The following RAP1GDS1 variants were observed in gnomAD, a reference collection of about 807,000 sequenced individuals.
RAP1GDS1 encodes Rap1 GTPase-GDP dissociation stimulator 1.
Under a neutral mutation model 71.1 loss-of-function variants are expected in RAP1GDS1, and 35 were observed. That is an observed-to-expected ratio of 0.49 (90% confidence interval 0.38 to 0.65). The LOEUF is 0.65. RAP1GDS1 is among the 30% of genes least tolerant of loss of function. The pLI, the probability that RAP1GDS1 is intolerant of heterozygous loss-of-function variation, is 0.00. For synonymous variants in RAP1GDS1, 229 were observed against 243.1 expected, an observed-to-expected ratio of 0.94 and a Z score of 0.54; for missense variants, 663 against 706.1, an observed-to-expected ratio of 0.94 and a Z score of 0.69.
intron 14 of RAP1GDS1, among the ~76,000 whole-genome samples, chr4:98,438,496 T>G (rs1751443377): frequency 4.7e-5 from 7 of 150,094 alleles, no homozygotes; most frequent in Admixed American, 4.7e-4. Context: ...TGTTTTCTGT[T>G]TGTCACATTT....
chr4:98,297,509 A>G (rs771050547), intron 2 of RAP1GDS1, among the ~76,000 whole-genome samples: 1 of 152,112 alleles, frequency 6.6e-6, no homozygotes, highest in African/African-American at 2.4e-5. Flanking sequence ...AACATTTCAG[A>G]CATTATTATT....
At chr4:98,412,849 G>C (rs1747270755) in intron 7 of RAP1GDS1, among the ~76,000 whole-genome samples, 1 of 152,092 alleles carries the variant, frequency 6.6e-6, no homozygotes, top group African/African-American at 2.4e-5. Context: ...CAAAAGGGGA[G>C]GGAGTGTACA....
Position 98,443,015 on chromosome 4 carries a change from ATTTTTTTTT to A in RAP1GDS1, c.*913_*921del, listed in dbSNP as rs397994660. 7 of 138,342 alleles carry A rather than the reference ATTTTTTTTT, an allele frequency of 5.1e-5. No homozygotes were observed. The highest frequency in any genetic ancestry group is 2.0e-4 in the African/African-American group (5 of 25,326). 8.6% of individuals were successfully genotyped at this position (138,342 alleles called of 1,614,324 possible). On this transcript the variant is annotated 3_prime_UTR_variant, in exon 15 of 15. Coordinates refer to ENST00000408927, the MANE Select transcript of RAP1GDS1 (RefSeq NM_001100427.2). The stretch of plus-strand genomic sequence containing the variant: ...TGAGTATAGTTCATTGAAGAATGGA[ATTTTTTTTT>A]TTTTTTTTTTTTTTGCTGTTTTTCA...
Position 98,391,485 on chromosome 4 carries a change from G to A in RAP1GDS1, c.509-467G>A, listed in dbSNP as rs185156910. ...GTATTTATTAAATATTTTTAATTTT[G>A]TATTATGAAAAGTGTTTTTAAAGGA... On this transcript the variant is annotated intron_variant, in intron 5 of 14. Transcript: ENST00000408927. Among the ~76,000 whole-genome samples, 79 of 151,988 alleles carry A rather than the reference G, an allele frequency of 5.2e-4. No individual in the cohort carries two copies. In the East Asian group the frequency reaches 0.013, roughly 26 times the overall value.
chr4:98,275,479 A>G (rs1724073512), intron 1 of RAP1GDS1, among the ~76,000 whole-genome samples: 2 of 152,148 alleles, frequency 1.3e-5, no homozygotes, highest in African/African-American at 4.8e-5. Context: ...TGGGCACTGA[A>G]ATTTAAATTT....
intron 6 of RAP1GDS1, among the ~76,000 whole-genome samples, chr4:98,398,472 A>G (rs969922793): frequency 1.3e-5 from 2 of 152,174 alleles, no homozygotes; most frequent in Non-Finnish European, 2.9e-5. Flanking sequence ...GCTTCTAGAG[A>G]GGATGGGGGA....
At chr4:98,280,077 ATG>A (rs1216461385) in intron 1 of RAP1GDS1, among the ~76,000 whole-genome samples, 1 of 152,188 alleles carries the variant, frequency 6.6e-6, no homozygotes, top group Non-Finnish European at 1.5e-5. Context: ...ATACATGTGC[ATG>A]TGTCTTTATA....
intron 13 of RAP1GDS1, among the ~76,000 whole-genome samples, chr4:98,435,310 A>C (rs1390412510): frequency 6.6e-6 from 1 of 152,240 alleles, no homozygotes; most frequent in Admixed American, 6.5e-5. Context: ...CAAGGTGTAT[A>C]GGATATCTGT....
In RAP1GDS1 at chr4:98,330,295, C is replaced by T. The variant is rs575757309; in HGVS notation, c.113-12844C>T. On this transcript the variant is annotated intron_variant, in intron 2 of 14. Coordinates refer to ENST00000408927, the MANE Select transcript of RAP1GDS1 (RefSeq NM_001100427.2). The stretch of plus-strand genomic sequence containing the variant: ...TTCCCCCTTTTCTATTCGACAAAAC[C>T]GGTATCGTCATCATGGCCCGTTCTC... 1.4e-4 allele frequency among the ~76,000 whole-genome samples: 22 copies of T among 152,332 alleles called. No individual in the cohort carries two copies. The South Asian group carries it at 1.4e-3, about 10-fold the overall frequency.
intron 6 of RAP1GDS1, among the ~76,000 whole-genome samples, chr4:98,403,392 G>C (rs146164740): frequency 6.6e-6 from 1 of 152,172 alleles, no homozygotes; most frequent in Non-Finnish European, 1.5e-5. Flanking sequence ...TGATTTATTA[G>C]ATGTGGAAGT....
intron 2 of RAP1GDS1, among the ~76,000 whole-genome samples, chr4:98,333,709 G>A (rs28893208): frequency 0.046 from 6,960 of 152,060 alleles, 394 homozygotes; most frequent in African/African-American, 0.13. Context: ...ACTTATGAAA[G>A]TTGAGATACT....
intron 10 of RAP1GDS1, 43 bp downstream of exon 10, chr4:98,418,834 C>T: frequency 6.7e-7 from 1 of 1,490,670 alleles, no homozygotes; most frequent in Non-Finnish European, 8.9e-7. Flanking sequence ...AAAATAAAAT[C>T]CATCATTTGG....
chr4:98,305,639 C>T (rs1428225039), intron 2 of RAP1GDS1, among the ~76,000 whole-genome samples: 1 of 152,116 alleles, frequency 6.6e-6, no homozygotes, highest in African/African-American at 2.4e-5. Context: ...AGATGTATAA[C>T]AGTGATACTG....
chr4:98,263,030 C>T (rs1233291736), intron 1 of RAP1GDS1, among the ~76,000 whole-genome samples: 2 of 152,204 alleles, frequency 1.3e-5, no homozygotes, highest in East Asian at 1.9e-4. Flanking sequence ...CTGCCTTTCT[C>T]TTAAAGTAGA....
Position 98,443,034 on chromosome 4 carries a change from T to G in RAP1GDS1, c.*917T>G, listed in dbSNP as rs1290387597. The stretch of plus-strand genomic sequence containing the variant: ...AATGGAATTTTTTTTTTTTTTTTTT[T>G]TTTTGCTGTTTTTCATCATTCAGCT... On this transcript the variant is annotated 3_prime_UTR_variant, in exon 15 of 15. Coordinates refer to ENST00000408927, the MANE Select transcript of RAP1GDS1 (RefSeq NM_001100427.2). 21 of 215,644 alleles carry G rather than the reference T, an allele frequency of 9.7e-5. 1 individual carries two copies. Among genetic ancestry groups the G allele is most frequent in the Admixed American group, 2.4e-4 (4 of 16,772 alleles). The allele number at this position is 215,644 out of a possible 1,614,324, so 13.4% of individuals were successfully genotyped here. A position where few individuals can be genotyped will look rare whatever the true frequency, so the allele number is the denominator to read the frequency against.
intron 2 of RAP1GDS1, among the ~76,000 whole-genome samples, chr4:98,296,193 G>A (rs1368425932): frequency 6.6e-6 from 1 of 152,008 alleles, no homozygotes; most frequent in African/African-American, 2.4e-5. Flanking sequence ...AGATGGTAAT[G>A]TATGTAATGG....
intron 5 of RAP1GDS1, among the ~76,000 whole-genome samples, chr4:98,391,040 T>C (rs895690014): frequency 1.4e-4 from 22 of 152,174 alleles, no homozygotes; most frequent in South Asian, 8.3e-4. Flanking sequence ...GAACCAGTTA[T>C]GGACAGTTAT....
intron 2 of RAP1GDS1, among the ~76,000 whole-genome samples, chr4:98,302,776 T>G (rs1728750330): frequency 6.6e-6 from 1 of 152,204 alleles, no homozygotes; most frequent in Non-Finnish European, 1.5e-5. Context: ...CCAGGCATGG[T>G]GACCCACACC....
intron 4 of RAP1GDS1, among the ~76,000 whole-genome samples, chr4:98,373,996 C>G (rs1409858216): frequency 6.6e-6 from 1 of 152,156 alleles, no homozygotes; most frequent in African/African-American, 2.4e-5. Context: ...TTTTATGTTA[C>G]TCAGAACAGC....
Sources: allele counts gnomAD v4.1 joint callset (sites outside exome capture counted in the v4.1 genomes callset), GRCh38; gene constraint gnomAD v4.1.1; transcripts MANE v1.5; gene names NCBI Gene and HGNC (gene_info 2026-07-23, HGNC 2026-07-21).